Variants in COQ5 observed in about 807,000 individuals in gnomAD.
The protein encoded by COQ5 is coenzyme Q5, methyltransferase, also known as 2-methoxy-6-polyprenyl-1,4-benzoquinol methylase, mitochondrial.
In COQ5, 27 loss-of-function variants were observed where a neutral mutation model predicts 40.5. The ratio of observed to expected loss-of-function variants is 0.67; its 90% CI spans 0.49 to 0.92. The LOEUF is 0.92. Ranked by LOEUF, COQ5 falls within the 40% of genes least tolerant of loss-of-function variation. The probability of loss-of-function intolerance (pLI) is 0.00; values close to 1 mark genes in which losing one functional copy is unlikely to be tolerated. For synonymous variants in COQ5, 141 were observed against 150.0 expected, an observed-to-expected ratio of 0.94 and a Z score of 0.44; for missense variants, 409 against 406.4, an observed-to-expected ratio of 1.01 and a Z score of -0.06.
At chr12:120,511,818 A>T (rs1019527956) in intron 3 of COQ5, among the ~76,000 whole-genome samples, 1 of 152,202 alleles carries the variant, frequency 6.6e-6, no homozygotes, top group African/African-American at 2.4e-5. Context: ...AGAATGTCAC[A>T]AAGTTGTGCT....
chr12:120,505,341 G>A (rs1710142), intron 4 of COQ5, among the ~76,000 whole-genome samples: 40,595 of 151,820 alleles, frequency 0.27, 6,588 homozygotes, highest in Admixed American at 0.39. Flanking sequence ...CTTCTACTGT[G>A]GGAATGACAT....
In COQ5 at chr12:120,504,942, C is replaced by G. The variant is rs868007737; in HGVS notation, c.723G>C (p.Arg241=). 6.2e-7 allele frequency: 1 copy of G among 1,614,146 alleles called. No individual in the cohort carries two copies. The highest frequency in any genetic ancestry group is 1.6e-4 in the Middle Eastern group (1 of 6,062). The change falls in exon 5 of 7, where the codon CGG becomes CGC. Residue 241 remains arginine, a synonymous_variant. Transcript: ENST00000288532. ...CTTGGCTAAATTCCAGACAGAGAAA[C>G]CGTCCTCCTGGTTTCAGCACCCGAT... ...EAHRVLKPGG[R]FLCLEFSQVN...
intron 2 of COQ5, among the ~76,000 whole-genome samples, chr12:120,521,169 C>T (rs553232717): frequency 3.3e-5 from 5 of 150,592 alleles, no homozygotes; most frequent in South Asian, 2.1e-4. Context: ...CCAGTTCAAG[C>T]AATTCTCCTG....
In COQ5 at chr12:120,503,477, A is replaced by T; in HGVS notation, c.*307T>A. The T allele has an allele frequency of 2.0e-6, 1 of 501,288 alleles. No homozygotes were observed. Among genetic ancestry groups the T allele is most frequent in the Non-Finnish European group, 3.9e-6 (1 of 257,414 alleles). 31.1% of individuals were successfully genotyped at this position (501,288 alleles called of 1,614,324 possible). A position where few individuals can be genotyped will look rare whatever the true frequency, so the allele number is the denominator to read the frequency against. ...CAGCAGAGAAGCTATAAATACACTCACTTCAAAACTGAGCTTTAGGGGTGG... is the reference window on the plus strand; with the variant it reads ...CAGCAGAGAAGCTATAAATACACTCTCTTCAAAACTGAGCTTTAGGGGTGG... On this transcript the variant is annotated 3_prime_UTR_variant, in exon 7 of 7. Transcript: ENST00000288532.
At chr12:120,516,983 G>A (rs975288845) in intron 2 of COQ5, among the ~76,000 whole-genome samples, 195 bp from the exon 3 acceptor site, 5 of 152,202 alleles carry the variant, frequency 3.3e-5, no homozygotes, top group African/African-American at 1.2e-4. Context: ...ACCCTAGCTG[G>A]AGTGCAGAGG....
intron 1 of COQ5, among the ~76,000 whole-genome samples, chr12:120,525,205 T>C (rs189465732): frequency 1.3e-5 from 2 of 152,200 alleles, no homozygotes; most frequent in Admixed American, 1.3e-4. Flanking sequence ...GTTCAAGTGA[T>C]TCTCCTGCCT....
intron 2 of COQ5, among the ~76,000 whole-genome samples, chr12:120,517,871 G>A (rs1311680988): frequency 4.0e-5 from 6 of 150,824 alleles, no homozygotes; most frequent in East Asian, 4.0e-4. Context: ...GCAATGGCGC[G>A]ATCTGAGCTC....
intron 2 of COQ5, among the ~76,000 whole-genome samples, chr12:120,520,834 C>G (rs1869612664): frequency 6.6e-6 from 1 of 151,644 alleles, no homozygotes; most frequent in Non-Finnish European, 1.5e-5. Context: ...TCTCCAAATG[C>G]TCAGTGTACA....
At chr12:120,527,514 G>A (rs1174155892) in intron 1 of COQ5, 1 of 152,122 alleles carries the variant, frequency 6.6e-6, no homozygotes, top group Non-Finnish European at 1.5e-5. Flanking sequence ...AGGTCATTGT[G>A]TATGACTTCA....
Position 120,503,753 on chromosome 12 carries a change from G to A in COQ5, c.*31C>T. 1 of 1,511,756 alleles carries A rather than the reference G, an allele frequency of 6.6e-7. No homozygotes were observed. Among genetic ancestry groups the A allele is most frequent in the Non-Finnish European group, 9.2e-7 (1 of 1,087,010 alleles). 93.6% of individuals were successfully genotyped at this position (1,511,756 alleles called of 1,614,324 possible). ...CAGTTCCAGGCTTTCAACAGGATAT[G>A]ACTGGTTCATGCTCCATGATAGGAA... is the stretch of plus-strand genomic sequence containing the variant. On this transcript the variant is annotated 3_prime_UTR_variant, in exon 7 of 7. Coordinates refer to ENST00000288532, the MANE Select transcript of COQ5 (RefSeq NM_032314.4).
intron 1 of COQ5, among the ~76,000 whole-genome samples, chr12:120,527,764 C>G (rs1275492609): frequency 4.0e-5 from 6 of 151,502 alleles, no homozygotes; most frequent in Non-Finnish European, 8.8e-5. Flanking sequence ...AGGTGGATCA[C>G]GAGGTCAGGA....
At chr12:120,510,286 T>A (rs772156807) in intron 3 of COQ5, among the ~76,000 whole-genome samples, 163 bp from the exon 4 acceptor site, 10 of 152,118 alleles carry the variant, frequency 6.6e-5, no homozygotes, top group African/African-American at 1.2e-4. Flanking sequence ...TATATACATA[T>A]TTTTCCTTTT....
chr12:120,522,096 A>C, intron 2 of COQ5, 118 bp downstream of exon 2: 1 of 971,284 alleles, frequency 1.0e-6, no homozygotes, highest in Non-Finnish European at 1.6e-6. Context: ...AGTTATAAGT[A>C]TGCAGATTTT....
chr12:120,527,988 C>CAAAAAAAAAAAAAAAAAAAAA (rs55830211), intron 1 of COQ5, among the ~76,000 whole-genome samples: 1 of 23,032 alleles, frequency 4.3e-5, no homozygotes, highest in Non-Finnish European at 8.1e-5. Flanking sequence ...GACTCAGTCT[C>CAAAAAAAAAAAAAAAAAAAAA]AAAAAAAAAA....
Position 120,503,866 on chromosome 12 carries a change from A to G in COQ5, c.902T>C (p.Ile301Thr), listed in dbSNP as rs752394355. The change falls in exon 7 of 7, where the codon ATA becomes ACA. Residue 301 changes from isoleucine (I) to threonine (T), a missense_variant. Physicochemically the swap from Ile to Thr is moderately conservative, Grantham distance 89. Transcript: ENST00000288532. Reference sequence around the variant, plus strand: ...CACCTTGTGAAAGCCTGCATCTTCTATCATGTCCTTGAACTCTTCCTGAAA... The same window carrying G: ...CACCTTGTGAAAGCCTGCATCTTCTGTCATGTCCTTGAACTCTTCCTGAAA... ...FPSQEEFKDM[I>T]EDAGFHKVTY... 4.3e-6 allele frequency: 7 copies of G among 1,614,048 alleles called. No individual in the cohort carries two copies. In the South Asian group the frequency reaches 4.4e-5, roughly 10 times the overall value.
In COQ5 at chr12:120,529,115, T is replaced by G; in HGVS notation, c.27A>C (p.Leu9=). 5 of 1,613,926 alleles carry G rather than the reference T, an allele frequency of 3.1e-6. No homozygotes were observed. Among genetic ancestry groups the G allele is most frequent in the Non-Finnish European group, 4.2e-6 (5 of 1,179,932 alleles). Reference sequence around the variant, plus strand: ...ACCACCCACGGCCGCAATAGCTCCATAGAGCACAGCTCCCGGGGGCCGCCA... The same window carrying G: ...ACCACCCACGGCCGCAATAGCTCCAGAGAGCACAGCTCCCGGGGGCCGCCA... MAAPGSCA[L]WSYCGRGWSR... is the part of the protein sequence containing the mutation. The change falls in exon 1 of 7, where the codon CTA becomes CTC. Residue 9 remains leucine, a synonymous_variant. Coordinates refer to ENST00000288532, the MANE Select transcript of COQ5 (RefSeq NM_032314.4).
intron 4 of COQ5, among the ~76,000 whole-genome samples, chr12:120,505,351 T>C (rs1476469608): frequency 2.0e-5 from 3 of 152,128 alleles, no homozygotes; most frequent in African/African-American, 7.2e-5. Flanking sequence ...GGGAATGACA[T>C]GTACGTGGGT....
At position 120,516,735 on chromosome 12, in the gene COQ5, G is replaced by A; in HGVS notation, c.406C>T (p.Gln136Ter). 6 of 1,614,186 alleles carry A rather than the reference G, an allele frequency of 3.7e-6. No individual in the cohort carries two copies. The highest frequency in any genetic ancestry group is 5.1e-6 in the Non-Finnish European group (6 of 1,180,032). ...TGTTGGGCCCTTAACTGCCTCTTCT[G>A]TTTTCTCTGATGCTGGGACTGAACA... Reference protein sequence around the residue: ...NYVQSQHQRKQKRQLRAQQNL... With the variant: ...NYVQSQHQRK The change falls in exon 3 of 7, where the codon CAG becomes TAG. Residue 136 changes from glutamine to a stop codon, truncating the protein, a stop_gained. Coordinates refer to ENST00000288532, the MANE Select transcript of COQ5 (RefSeq NM_032314.4). LOFTEE classifies it high-confidence loss of function.
chr12:120,514,635 C>T (rs1308518038), intron 3 of COQ5, among the ~76,000 whole-genome samples: 1 of 151,692 alleles, frequency 6.6e-6, no homozygotes, highest in African/African-American at 2.4e-5. Context: ...CCCAGCTACT[C>T]GGGAGGCTGA....
Sources: allele counts gnomAD v4.1 joint callset (sites outside exome capture counted in the v4.1 genomes callset), GRCh38; gene constraint gnomAD v4.1.1; transcripts MANE v1.5; gene names NCBI Gene and HGNC (gene_info 2026-07-23, HGNC 2026-07-21).